The following BACH2 variants were observed in gnomAD, a reference collection of about 807,000 sequenced individuals.
BACH2 encodes the protein transcription regulator protein BACH2.
In BACH2, 5 loss-of-function variants were observed where a neutral mutation model predicts 61.8. The ratio of observed to expected loss-of-function variants is 0.08; its 90% CI spans 0.04 to 0.17. The LOEUF is 0.17. Ranked by LOEUF, BACH2 falls within the 10% of genes least tolerant of loss-of-function variation. BACH2 has a pLI of 1.00. For missense variants in BACH2, 824 were observed against 1,091.1 expected (o/e 0.76, Z 3.45); for synonymous variants, 446 against 440.1 (o/e 1.01, Z -0.17).
At chr6:90,052,833 T>A (rs1780118219) in intron 5 of BACH2, among the ~76,000 whole-genome samples, 1 of 152,228 alleles carries the variant, frequency 6.6e-6, no homozygotes, top group Non-Finnish European at 1.5e-5. Context: ...TATAGCTGAA[T>A]TGGTATTATA....
At chr6:90,232,341 G>A (rs1770125191) in intron 3 of BACH2, among the ~76,000 whole-genome samples, 2 of 152,198 alleles carry the variant, frequency 1.3e-5, no homozygotes, top group South Asian at 4.1e-4. Context: ...GTAGACTGAT[G>A]TAGAAAGATC....
chr6:90,219,190 C>T (rs898791079), intron 3 of BACH2, among the ~76,000 whole-genome samples: 1 of 152,132 alleles, frequency 6.6e-6, no homozygotes. Context: ...AGCTAAAAGT[C>T]TTTCTTGTAA....
At chr6:90,120,639 A>G (rs1237012266) in intron 4 of BACH2, among the ~76,000 whole-genome samples, 2 of 152,214 alleles carry the variant, frequency 1.3e-5, no homozygotes, top group Non-Finnish European at 2.9e-5. Context: ...TGCTTTTTGA[A>G]CGGGTTTTTA....
At chr6:90,163,040 C>G (rs1329647444) in intron 4 of BACH2, among the ~76,000 whole-genome samples, 2 of 152,160 alleles carry the variant, frequency 1.3e-5, no homozygotes, top group African/African-American at 4.8e-5. Context: ...CCTAAGTGTA[C>G]CCATCTCAGA....
At chr6:89,993,276 A>C (rs897875763) in intron 6 of BACH2, among the ~76,000 whole-genome samples, 3 of 152,220 alleles carry the variant, frequency 2.0e-5, no homozygotes, top group Admixed American at 2.0e-4. Flanking sequence ...AAACAAGCTA[A>C]GGATTGAGTT....
At chr6:90,212,355 T>C (rs1307512754) in intron 3 of BACH2, among the ~76,000 whole-genome samples, 1 of 152,152 alleles carries the variant, frequency 6.6e-6, no homozygotes, top group African/African-American at 2.4e-5. Context: ...GCTCATTCCC[T>C]GCTTCCTAAA....
At chr6:90,182,917 CA>C (rs1284973768) in intron 4 of BACH2, among the ~76,000 whole-genome samples, 13 of 152,228 alleles carry the variant, frequency 8.5e-5, no homozygotes, top group South Asian at 2.1e-4. Flanking sequence ...ATTTTAGATT[CA>C]GGGGGCGCAT....
At chr6:89,939,527 A>T (rs186730349) in intron 7 of BACH2, among the ~76,000 whole-genome samples, 270 of 152,316 alleles carry the variant, frequency 1.8e-3, no homozygotes, top group Middle Eastern at 6.8e-3. Flanking sequence ...TGCCAGCAAA[A>T]TTCCAAATCT....
chr6:90,245,780 C>T (rs1770614203), intron 3 of BACH2, among the ~76,000 whole-genome samples: 1 of 152,034 alleles, frequency 6.6e-6, no homozygotes, highest in Non-Finnish European at 1.5e-5. Flanking sequence ...GAATTTGAAA[C>T]AAGAGAAGTC....
At chr6:90,075,337 G>T (rs920591506) in intron 5 of BACH2, among the ~76,000 whole-genome samples, 1 of 152,046 alleles carries the variant, frequency 6.6e-6, no homozygotes, top group East Asian at 1.9e-4. Flanking sequence ...ATGATATATG[G>T]CACAAAAACA....
At chr6:90,296,179 A>C (rs1582578651) in intron 1 of BACH2, among the ~76,000 whole-genome samples, 1 of 152,000 alleles carries the variant, frequency 6.6e-6, no homozygotes, top group African/African-American at 2.4e-5. Flanking sequence ...TGCTGTTCCA[A>C]AACACCCTTC....
chr6:90,247,926 A>G (rs905752579), intron 3 of BACH2, among the ~76,000 whole-genome samples: 2 of 152,186 alleles, frequency 1.3e-5, no homozygotes, highest in Admixed American at 1.3e-4. Flanking sequence ...AGCATTCTGT[A>G]TCTTTCTTGG....
rs577642651 is a variant in BACH2 at position 90,169,470 on chromosome 6, G to T, written c.-162+37099C>A. Among the ~76,000 whole-genome samples, 9 of 152,272 alleles carry T rather than the reference G, an allele frequency of 5.9e-5. No homozygotes were observed. The South Asian group carries it at 1.7e-3, about 28-fold the overall frequency. On this transcript the variant is annotated intron_variant, in intron 4 of 8. Coordinates refer to ENST00000257749, the MANE Select transcript of BACH2 (RefSeq NM_021813.4). ...AGGTTGGATCAATGAAGTCACTGGTGTCAGGACACTAACCCAGACATTCAC... is the reference window on the plus strand; with the variant it reads ...AGGTTGGATCAATGAAGTCACTGGTTTCAGGACACTAACCCAGACATTCAC...
chr6:90,257,278 T>C (rs1339765040), intron 2 of BACH2, among the ~76,000 whole-genome samples: 1 of 152,212 alleles, frequency 6.6e-6, no homozygotes, highest in Non-Finnish European at 1.5e-5. Context: ...GGTAGTTCTG[T>C]TTTTAATTTC....
At chr6:90,149,299 A>T (rs1336408074) in intron 4 of BACH2, among the ~76,000 whole-genome samples, 1 of 152,256 alleles carries the variant, frequency 6.6e-6, no homozygotes, top group African/African-American at 2.4e-5. Flanking sequence ...TGCTCAAAAG[A>T]ACTCAGAAAA....
chr6:90,267,880 G>C (rs1016010996), intron 2 of BACH2, among the ~76,000 whole-genome samples: 5 of 152,126 alleles, frequency 3.3e-5, no homozygotes, highest in African/African-American at 1.2e-4. Flanking sequence ...AAAAGAACCA[G>C]AGGAGTGGGA....
chr6:90,125,417 C>T (rs1783804247), intron 4 of BACH2, among the ~76,000 whole-genome samples: 1 of 152,124 alleles, frequency 6.6e-6, no homozygotes, highest in African/African-American at 2.4e-5. Flanking sequence ...TCTTGGTTAA[C>T]CCTTTGAAGG....
intron 7 of BACH2, among the ~76,000 whole-genome samples, chr6:89,946,595 C>G (rs117431628): frequency 6.6e-6 from 1 of 152,278 alleles, no homozygotes; most frequent in East Asian, 1.9e-4. Context: ...CTACGATTTA[C>G]GAGAACGAGA....
At chr6:90,017,513 T>TG (rs1412941247) in intron 5 of BACH2, among the ~76,000 whole-genome samples, 3 of 152,208 alleles carry the variant, frequency 2.0e-5, no homozygotes, top group Non-Finnish European at 4.4e-5. Context: ...TGAGTCATCA[T>TG]GCCTAGCCAC....
Sources: gnomAD v4.1 joint callset for allele counts (sites outside exome capture counted in the v4.1 genomes callset) on GRCh38, gnomAD v4.1.1 for gene constraint, MANE v1.5 for transcripts, NCBI Gene and HGNC (gene_info 2026-07-23, HGNC 2026-07-21) for gene names.